The following MYLK variants were observed in gnomAD, a reference collection of about 807,000 sequenced individuals.
MYLK encodes the protein myosin light chain kinase, smooth muscle.
A neutral mutation model predicts 203.4 loss-of-function variants in MYLK; 106 were observed. The ratio of observed to expected loss-of-function variants is 0.52; its 90% CI spans 0.45 to 0.61. The LOEUF is 0.61. Ranked by LOEUF, MYLK falls within the 20% of genes least tolerant of loss-of-function variation. The pLI, the probability that MYLK is intolerant of heterozygous loss-of-function variation, is 0.00. For missense variants in MYLK, 2,072 were observed against 2,442.3 expected, an observed-to-expected ratio of 0.85 and a Z score of 3.20; for synonymous variants, 867 against 959.5, an observed-to-expected ratio of 0.90 and a Z score of 1.78.
chr3:123,624,807 G>C (rs984595809), intron 31 of MYLK: 1 of 152,188 alleles, frequency 6.6e-6, no homozygotes. Context: ...TGACTTCCAT[G>C]GTGGAGGAGC....
At chr3:123,685,683 C>A (rs946509332) in intron 19 of MYLK, among the ~76,000 whole-genome samples, 1 of 151,542 alleles carries the variant, frequency 6.6e-6, no homozygotes, top group Non-Finnish European at 1.5e-5. Flanking sequence ...GCCACATTCC[C>A]TTACCTCCTT....
intron 9 of MYLK, 152 bp downstream of exon 9, chr3:123,735,246 A>G: frequency 9.5e-7 from 1 of 1,056,770 alleles, no homozygotes; most frequent in Non-Finnish European, 1.5e-6. Flanking sequence ...CAATAGGAGA[A>G]CAAGACAAAA....
intron 2 of MYLK, among the ~76,000 whole-genome samples, chr3:123,868,897 G>A (rs922561271): frequency 6.6e-6 from 1 of 152,102 alleles, no homozygotes; most frequent in Non-Finnish European, 1.5e-5. Flanking sequence ...AGGTAGCAGG[G>A]GATTAACATT....
chr3:123,670,388 G>A (rs1193664650), intron 20 of MYLK, among the ~76,000 whole-genome samples: 2 of 152,154 alleles, frequency 1.3e-5, no homozygotes, highest in Non-Finnish European at 2.9e-5. Flanking sequence ...TCAGGGTGAT[G>A]TTTGGTGGAG....
chr3:123,854,453 AT>A (rs1237465730), intron 2 of MYLK, among the ~76,000 whole-genome samples: 2 of 152,140 alleles, frequency 1.3e-5, no homozygotes, highest in East Asian at 3.9e-4. Flanking sequence ...ACACTTATGA[AT>A]TTTTTGCATA....
intron 12 of MYLK, among the ~76,000 whole-genome samples, chr3:123,722,596 G>A (rs1035635904): frequency 2.0e-5 from 3 of 152,108 alleles, no homozygotes; most frequent in South Asian, 2.1e-4. Flanking sequence ...ACAGAGTTTT[G>A]GGCATTCTGT....
intron 1 of MYLK, among the ~76,000 whole-genome samples, chr3:123,879,633 T>C (rs2033392632): frequency 6.6e-6 from 1 of 152,120 alleles, no homozygotes. Context: ...TTTTTTGTTG[T>C]TGTTGTTTGT....
chr3:123,731,673 T>C (rs575348164), intron 11 of MYLK, among the ~76,000 whole-genome samples: 2 of 152,292 alleles, frequency 1.3e-5, no homozygotes, highest in Admixed American at 6.5e-5. Context: ...ATTTCATTGA[T>C]ATCCCTGCCA....
chr3:123,756,907 A>T (rs916699573), intron 4 of MYLK, among the ~76,000 whole-genome samples: 1 of 152,260 alleles, frequency 6.6e-6, no homozygotes, highest in Non-Finnish European at 1.5e-5. Context: ...TATAGTCACC[A>T]TAACCCCTAT....
chr3:123,641,609 C>T (rs1014990815), intron 27 of MYLK, among the ~76,000 whole-genome samples: 1 of 151,786 alleles, frequency 6.6e-6, no homozygotes, highest in Non-Finnish European at 1.5e-5. Context: ...TGGTCTCCAG[C>T]GATTATCCCA....
chr3:123,618,622 G>T lies in MYLK; in HGVS notation c.5500+17C>A, dbSNP rs753270183. 2.5e-6 allele frequency: 4 copies of T among 1,613,752 alleles called. No individual in the cohort carries two copies. In the Admixed American group the frequency reaches 6.7e-5, roughly 27 times the overall value. On this transcript the variant is annotated intron_variant, in intron 33 of 33. Transcript: ENST00000360304. ...CACACCCTATTCATGGTGAAGAGAA[G>T]CACAGCTACAACTTACCTTCAATCT...
At chr3:123,755,644 G>A (rs1312710695) in intron 4 of MYLK, among the ~76,000 whole-genome samples, 1 of 152,104 alleles carries the variant, frequency 6.6e-6, no homozygotes, top group African/African-American at 2.4e-5. Context: ...GGACCTCTGG[G>A]TGGTGAAGGA....
intron 11 of MYLK, among the ~76,000 whole-genome samples, chr3:123,730,917 A>G (rs571211835): frequency 3.3e-5 from 5 of 152,228 alleles, no homozygotes; most frequent in Non-Finnish European, 5.9e-5. Flanking sequence ...TATGTGAATT[A>G]TATCTCAATA....
intron 2 of MYLK, among the ~76,000 whole-genome samples, chr3:123,835,606 G>A (rs966347239): frequency 2.0e-5 from 3 of 152,018 alleles, no homozygotes; most frequent in African/African-American, 7.3e-5. Context: ...AATTGTTTGG[G>A]GGCTCAGAAA....
At chr3:123,821,628 G>C (rs1212893227) in intron 3 of MYLK, among the ~76,000 whole-genome samples, 1 of 152,112 alleles carries the variant, frequency 6.6e-6, no homozygotes, top group Non-Finnish European at 1.5e-5. Context: ...CTCAACTGCT[G>C]GTCCTGCCTC....
At chr3:123,760,992 C>A (rs1012745251) in intron 4 of MYLK, among the ~76,000 whole-genome samples, 4 of 152,168 alleles carry the variant, frequency 2.6e-5, no homozygotes, top group Admixed American at 2.6e-4. Flanking sequence ...CTGACTAATG[C>A]AGCCCTGGAA....
chr3:123,856,012 G>A (rs2031337160), intron 2 of MYLK, among the ~76,000 whole-genome samples: 1 of 152,176 alleles, frequency 6.6e-6, no homozygotes, highest in Admixed American at 6.5e-5. Context: ...AGTGAATACT[G>A]CAATTTGTTT....
chr3:123,700,690 A>C lies in MYLK; in HGVS notation c.2778T>G (p.Arg926=), dbSNP rs1064966. 1.2e-6 allele frequency: 2 copies of C among 1,613,960 alleles called. No individual in the cohort carries two copies. The highest frequency in any genetic ancestry group is 1.7e-6 in the Non-Finnish European group (2 of 1,180,028). Residue 926 remains arginine, a synonymous_variant, in exon 18 of 34, where the codon CGT becomes CGG. Transcript: ENST00000360304. ...GCTTCACTTGCCGCTGCAGGTTGGC[A>C]CGGAAATCCATCTGCTCGGCTGGGA... ...KEIPAEQMDF[R]ANLQRQVKPK... is the part of the protein sequence containing the mutation.
chr3:123,730,727 A>G (rs1443528807), intron 11 of MYLK, among the ~76,000 whole-genome samples: 2 of 152,216 alleles, frequency 1.3e-5, no homozygotes, highest in Non-Finnish European at 2.9e-5. Flanking sequence ...GACAAAAAGT[A>G]TATTAGTGGC....
Sources: allele counts gnomAD v4.1 joint callset (sites outside exome capture counted in the v4.1 genomes callset), GRCh38; gene constraint gnomAD v4.1.1; transcripts MANE v1.5; gene names NCBI Gene and HGNC (gene_info 2026-07-23, HGNC 2026-07-21).